Variants in NCAM2 observed in about 807,000 individuals in gnomAD.
NCAM2 encodes neural cell adhesion molecule 2, also known as N-CAM-2.
A neutral mutation model predicts 98.1 loss-of-function variants in NCAM2; 30 were observed. The ratio of observed to expected loss-of-function variants is 0.31; its 90% CI spans 0.23 to 0.41. The LOEUF (loss-of-function observed/expected upper bound fraction) is 0.41, where lower values mean the gene tolerates loss of function less well. Among genes scored for constraint, NCAM2 ranks in the 10% least tolerant of loss-of-function variants. The pLI is 1.00. For missense variants in NCAM2, 867 were observed against 1,005.8 expected, an observed-to-expected ratio of 0.86 and a Z score of 1.87; for synonymous variants, 368 against 342.4, an observed-to-expected ratio of 1.07 and a Z score of -0.83.
At chr21:21,370,648 A>G (rs565587144) in intron 8 of NCAM2, among the ~76,000 whole-genome samples, 1 of 151,926 alleles carries the variant, frequency 6.6e-6, no homozygotes, top group Non-Finnish European at 1.5e-5. Flanking sequence ...CTCAGGTGGT[A>G]AATCATATAT....
intron 1 of NCAM2, among the ~76,000 whole-genome samples, chr21:21,220,177 T>A (rs1255636416): frequency 1.3e-5 from 2 of 152,178 alleles, no homozygotes. Flanking sequence ...GTATATAAAG[T>A]CTACAGTAGT....
chr21:21,333,581 A>G (rs969142208), intron 6 of NCAM2, among the ~76,000 whole-genome samples: 7 of 152,194 alleles, frequency 4.6e-5, no homozygotes, highest in African/African-American at 1.7e-4. Flanking sequence ...TTTTTTAGAA[A>G]GAACATTGGA....
intron 8 of NCAM2, among the ~76,000 whole-genome samples, chr21:21,345,589 A>T (rs1025817782): frequency 3.3e-5 from 5 of 152,058 alleles, no homozygotes; most frequent in Non-Finnish European, 7.4e-5. Context: ...GAAAAAAAGA[A>T]TAAAAAAAAT....
At chr21:21,469,866 G>A (rs915761789) in intron 14 of NCAM2, among the ~76,000 whole-genome samples, 1 of 151,910 alleles carries the variant, frequency 6.6e-6, no homozygotes, top group Admixed American at 6.6e-5. Context: ...GAGGTCTCCT[G>A]GCCATTCTCA....
rs957940579 is a variant in NCAM2 at position 21,540,129 on chromosome 21, C to T, written c.*2172C>T. 6 of 152,052 alleles carry T rather than the reference C, an allele frequency of 3.9e-5. No homozygotes were observed. The highest frequency in any genetic ancestry group is 3.4e-3 in the Middle Eastern group (1 of 294). The allele number at this position is 152,052 out of a possible 1,614,324, so 9.4% of individuals were successfully genotyped here. A position where few individuals can be genotyped will look rare whatever the true frequency, so the allele number is the denominator to read the frequency against. On this transcript the variant is annotated 3_prime_UTR_variant, in exon 18 of 18. Coordinates refer to ENST00000400546, the MANE Select transcript of NCAM2 (RefSeq NM_004540.5). ...TTCGCATGTTTACTATTGTTATATT[C>T]GTGCTTTACTTCAAGAGTGCAGAAA...
intron 1 of NCAM2, among the ~76,000 whole-genome samples, chr21:21,247,314 G>A (rs1009480432): frequency 2.0e-5 from 3 of 152,118 alleles, no homozygotes; most frequent in Admixed American, 6.5e-5. Context: ...GCAAGACTCC[G>A]TCTCAAACAA....
intron 5 of NCAM2, among the ~76,000 whole-genome samples, chr21:21,300,091 G>A (rs1345889521): frequency 6.6e-6 from 1 of 151,764 alleles, no homozygotes; most frequent in South Asian, 2.1e-4. Context: ...TCCCTGCTTC[G>A]TTGAGTCCTC....
chr21:21,137,573 A>G (rs927096389), intron 1 of NCAM2, among the ~76,000 whole-genome samples: 8 of 152,134 alleles, frequency 5.3e-5, no homozygotes, highest in Non-Finnish European at 1.0e-4. Flanking sequence ...GAGGTGACCA[A>G]CATGGAGAAA....
chr21:21,458,429 G>A (rs1028264149), intron 12 of NCAM2, among the ~76,000 whole-genome samples: 3 of 152,216 alleles, frequency 2.0e-5, no homozygotes, highest in Non-Finnish European at 2.9e-5. Context: ...GCAGAGAACT[G>A]GTGTAGGAGT....
intron 12 of NCAM2, among the ~76,000 whole-genome samples, chr21:21,434,405 G>T (rs1397452699): frequency 2.0e-5 from 3 of 152,088 alleles, no homozygotes; most frequent in African/African-American, 7.2e-5. Context: ...TGTGGCTAGG[G>T]ATTTCTCACT....
intron 8 of NCAM2, among the ~76,000 whole-genome samples, chr21:21,350,931 C>CA (rs113203468): frequency 0.16 from 6,945 of 44,108 alleles, 211 homozygotes; most frequent in East Asian, 0.25. Flanking sequence ...AGTAAAAATA[C>CA]AAAAAAAAAA....
chr21:21,345,378 A>G (rs1407840733), intron 8 of NCAM2, among the ~76,000 whole-genome samples: 1 of 152,082 alleles, frequency 6.6e-6, no homozygotes, highest in Admixed American at 6.6e-5. Flanking sequence ...AAAAATCAAG[A>G]TGACACAGAG....
At chr21:21,469,562 T>C (rs1984162786) in intron 14 of NCAM2, among the ~76,000 whole-genome samples, 1 of 152,068 alleles carries the variant, frequency 6.6e-6, no homozygotes, top group Non-Finnish European at 1.5e-5. Flanking sequence ...TTATGTTGAC[T>C]GAATCCATAT....
intron 1 of NCAM2, among the ~76,000 whole-genome samples, chr21:21,009,555 A>G (rs1394672053): frequency 6.6e-6 from 1 of 152,010 alleles, no homozygotes; most frequent in African/African-American, 2.4e-5. Context: ...TTCAATATAT[A>G]TATTGAAATA....
chr21:21,280,548 A>G, intron 1 of NCAM2, 30 bp from the exon 2 acceptor site: 1 of 1,472,514 alleles, frequency 6.8e-7, no homozygotes, highest in Non-Finnish European at 9.4e-7. Context: ...CTTAAAAATC[A>G]CCATTAATTG....
chr21:21,148,736 G>C (rs2067362834), intron 1 of NCAM2, among the ~76,000 whole-genome samples: 1 of 152,036 alleles, frequency 6.6e-6, no homozygotes, highest in Non-Finnish European at 1.5e-5. Context: ...AGATTTCCCA[G>C]TATATTCAGT....
At chr21:21,262,530 TG>T (rs1013966825) in intron 1 of NCAM2, among the ~76,000 whole-genome samples, 10 of 151,888 alleles carry the variant, frequency 6.6e-5, no homozygotes, top group African/African-American at 2.4e-4. Flanking sequence ...GACTAACCAA[TG>T]GCCGACATCA....
At chr21:21,464,008 G>A (rs370439693) in intron 12 of NCAM2, among the ~76,000 whole-genome samples, 13 of 152,182 alleles carry the variant, frequency 8.5e-5, no homozygotes, top group African/African-American at 3.1e-4. Context: ...ATCATATCTA[G>A]AATAATGATC....
intron 1 of NCAM2, among the ~76,000 whole-genome samples, chr21:21,037,551 A>G (rs956257574): frequency 6.6e-6 from 1 of 152,202 alleles, no homozygotes; most frequent in African/African-American, 2.4e-5. Flanking sequence ...AGTAATAAGA[A>G]ATGGCAGGCA....
Sources: allele counts gnomAD v4.1 joint callset (sites outside exome capture counted in the v4.1 genomes callset), GRCh38; gene constraint gnomAD v4.1.1; transcripts MANE v1.5; gene names NCBI Gene and HGNC (gene_info 2026-07-23, HGNC 2026-07-21).